SGCZ: variants seen among roughly 807,000 people sequenced by gnomAD.
The protein encoded by SGCZ is sarcoglycan zeta, also known as zeta-sarcoglycan.
SGCZ carries 40 observed loss-of-function variants against 41.3 expected under a neutral mutation model. The ratio of observed to expected loss-of-function variants is 0.97; its 90% CI spans 0.75 to 1.26. The LOEUF (loss-of-function observed/expected upper bound fraction) is 1.26, where lower values mean the gene tolerates loss of function less well. SGCZ is among the 50% of genes most tolerant of loss of function. SGCZ has a pLI of 0.00. For synonymous variants in SGCZ, 206 were observed against 137.5 expected, an observed-to-expected ratio of 1.50 and a Z score of -3.49; for missense variants, 552 against 369.8, an observed-to-expected ratio of 1.49 and a Z score of -4.04.
At chr8:14,226,011 G>T (rs969534707) in intron 4 of SGCZ, among the ~76,000 whole-genome samples, 4 of 151,952 alleles carry the variant, frequency 2.6e-5, no homozygotes, top group African/African-American at 9.7e-5. Context: ...GGTATATTTT[G>T]AAAAGGACGA....
At chr8:15,133,840 A>T (rs1415336574) in intron 1 of SGCZ, among the ~76,000 whole-genome samples, 1 of 152,150 alleles carries the variant, frequency 6.6e-6, no homozygotes, top group African/African-American at 2.4e-5. Context: ...CAGATTTGTG[A>T]AAAAAACAAG....
chr8:14,097,054 G>C (rs555410419), intron 7 of SGCZ, among the ~76,000 whole-genome samples: 27 of 151,952 alleles, frequency 1.8e-4, no homozygotes, highest in African/African-American at 6.3e-4. Context: ...ACCACCTCCT[G>C]GATTCATTGA....
chr8:14,222,943 C>G (rs566105331), intron 4 of SGCZ, among the ~76,000 whole-genome samples: 21 of 151,448 alleles, frequency 1.4e-4, no homozygotes, highest in African/African-American at 3.9e-4. Context: ...TTTTCAGTAG[C>G]TAAGATTACA....
chr8:15,027,846 A>G (rs1044936039), intron 1 of SGCZ, among the ~76,000 whole-genome samples: 2 of 152,072 alleles, frequency 1.3e-5, no homozygotes, highest in Admixed American at 6.6e-5. Flanking sequence ...TTTATAGTGT[A>G]TATTTATTTA....
At chr8:14,300,436 G>C (rs1246762482) in intron 3 of SGCZ, among the ~76,000 whole-genome samples, 1 of 151,764 alleles carries the variant, frequency 6.6e-6, no homozygotes, top group Non-Finnish European at 1.5e-5. Flanking sequence ...TAAAGCTTGG[G>C]TTCTGAAGTC....
chr8:14,392,155 A>G (rs939247876), intron 2 of SGCZ, among the ~76,000 whole-genome samples: 4 of 152,142 alleles, frequency 2.6e-5, no homozygotes, highest in African/African-American at 7.2e-5. Flanking sequence ...AAAAAAAATT[A>G]TCAGTTATTT....
At chr8:14,427,136 C>T (rs1282249320) in intron 2 of SGCZ, among the ~76,000 whole-genome samples, 1 of 151,246 alleles carries the variant, frequency 6.6e-6, no homozygotes, top group Non-Finnish European at 1.5e-5. Context: ...CCTTAATGTG[C>T]TCATTCAAGT....
intron 1 of SGCZ, among the ~76,000 whole-genome samples, chr8:14,821,389 C>T (rs1227984201): frequency 6.6e-6 from 1 of 151,926 alleles, no homozygotes; most frequent in Non-Finnish European, 1.5e-5. Flanking sequence ...TTAAACCAAA[C>T]ATTAAAAGAA....
chr8:15,210,190 G>A (rs918719696), intron 1 of SGCZ, among the ~76,000 whole-genome samples: 1 of 152,128 alleles, frequency 6.6e-6, no homozygotes, highest in Non-Finnish European at 1.5e-5. Context: ...CCATCATCGA[G>A]CTGCAGAATT....
At chr8:14,249,912 G>C (rs1442435611) in intron 3 of SGCZ, among the ~76,000 whole-genome samples, 3 of 152,314 alleles carry the variant, frequency 2.0e-5, no homozygotes, top group South Asian at 2.1e-4. Context: ...AAAAGAGTAA[G>C]TATATCATGT....
At chr8:14,670,740 A>C (rs1476009945) in intron 1 of SGCZ, among the ~76,000 whole-genome samples, 1 of 152,094 alleles carries the variant, frequency 6.6e-6, no homozygotes, top group Admixed American at 6.6e-5. Context: ...TTTTCAGTAC[A>C]ACCCATGAGG....
chr8:14,948,515 C>G (rs138059977), intron 1 of SGCZ, among the ~76,000 whole-genome samples: 2 of 151,888 alleles, frequency 1.3e-5, no homozygotes, highest in Non-Finnish European at 2.9e-5. Context: ...TCAAACTATA[C>G]TATTATTACC....
intron 1 of SGCZ, among the ~76,000 whole-genome samples, chr8:15,095,619 C>T (rs1285382703): frequency 1.3e-5 from 2 of 151,850 alleles, no homozygotes; most frequent in African/African-American, 4.8e-5. Flanking sequence ...AAGAAATATA[C>T]CCTCTGAACA....
At chr8:14,471,186 A>C (rs6982219) in intron 2 of SGCZ, among the ~76,000 whole-genome samples, 13,925 of 152,204 alleles carry the variant, frequency 0.091, 1,302 homozygotes, top group African/African-American at 0.24. Context: ...TGGCAATTTA[A>C]TATTTGTCAA....
Position 14,687,040 on chromosome 8 carries a change from T to C in SGCZ, c.40-132114A>G, listed in dbSNP as rs1458993542. On this transcript the variant is annotated intron_variant, in intron 1 of 7. Transcript: ENST00000382080. ...CCAAGCCAAATAAACAAAAAAATTC[T>C]CTACTTTGGGCCCAAAATGGTATTT... 2.6e-5 allele frequency among the ~76,000 whole-genome samples: 4 copies of C among 151,834 alleles called. No individual in the cohort carries two copies. In the South Asian group the frequency reaches 8.3e-4, roughly 32 times the overall value.
At chr8:14,905,374 TACG>T (rs1331522179) in intron 1 of SGCZ, among the ~76,000 whole-genome samples, 1 of 151,968 alleles carries the variant, frequency 6.6e-6, no homozygotes, top group African/African-American at 2.4e-5. Context: ...TTAAGAAAAC[TACG>T]ACATGACATC....
chr8:14,290,686 C>G (rs1057308013), intron 3 of SGCZ, among the ~76,000 whole-genome samples: 1 of 151,782 alleles, frequency 6.6e-6, no homozygotes, highest in African/African-American at 2.4e-5. Flanking sequence ...TAAAAGACAC[C>G]CAGTGTCAAT....
intron 1 of SGCZ, among the ~76,000 whole-genome samples, chr8:14,612,580 C>A (rs1450009164): frequency 1.3e-5 from 2 of 152,144 alleles, no homozygotes; most frequent in Non-Finnish European, 2.9e-5. Flanking sequence ...AGATTATTTT[C>A]CCCCAAAGGC....
intron 1 of SGCZ, among the ~76,000 whole-genome samples, chr8:14,939,038 T>G (rs556303813): frequency 8.6e-5 from 13 of 151,882 alleles, no homozygotes; most frequent in African/African-American, 1.7e-4. Context: ...CTCCATGGAG[T>G]AGTCAGAGGC....
Sources: gnomAD v4.1 joint callset for allele counts (sites outside exome capture counted in the v4.1 genomes callset) on GRCh38, gnomAD v4.1.1 for gene constraint, MANE v1.5 for transcripts, NCBI Gene and HGNC (gene_info 2026-07-23, HGNC 2026-07-21) for gene names.